Variants in RPL22L1 observed in about 807,000 individuals in gnomAD.
RPL22L1 encodes the protein ribosomal protein eL22-like.
A neutral mutation model predicts 17.3 loss-of-function variants in RPL22L1; 19 were observed. The ratio of observed to expected loss-of-function variants is 1.10; its 90% CI spans 0.77 to 1.61. RPL22L1 has a LOEUF of 1.61. Ranked by LOEUF, RPL22L1 falls within the 40% of genes most tolerant of loss-of-function variation. The pLI, the probability that RPL22L1 is intolerant of heterozygous loss-of-function variation, is 0.00. For missense variants in RPL22L1, 139 were observed against 144.4 expected (o/e 0.96, Z 0.19); for synonymous variants, 48 against 48.5 (o/e 0.99, Z 0.05).
Position 170,865,736 on chromosome 3 carries a change from G to C in RPL22L1, c.*644C>G, listed in dbSNP as rs1300754029. 1 of 152,194 alleles carries C rather than the reference G, an allele frequency of 6.6e-6. No individual in the cohort carries two copies. The highest frequency in any genetic ancestry group is 1.5e-5 in the Non-Finnish European group (1 of 68,052). 9.4% of individuals were successfully genotyped at this position (152,194 alleles called of 1,614,324 possible). On this transcript the variant is annotated 3_prime_UTR_variant, in exon 4 of 4. Transcript: ENST00000295830. ...GGGCTAACTATAAGAGCAAACTACAGAGCAACTTATATGTAAGAACTGTTC... is the reference window on the plus strand; with the variant it reads ...GGGCTAACTATAAGAGCAAACTACACAGCAACTTATATGTAAGAACTGTTC...
At chr3:170,868,445 A>G in intron 1 of RPL22L1, 55 bp from the exon 2 acceptor site, 1 of 1,109,338 alleles carries the variant, frequency 9.0e-7, no homozygotes, top group South Asian at 1.3e-5. Context: ...TTCAATTTAT[A>G]TAAACAATTT....
In RPL22L1 at chr3:170,865,224, C is replaced by A. The variant is rs1403260981; in HGVS notation, c.*1156G>T. On this transcript the variant is annotated 3_prime_UTR_variant, in exon 4 of 4. Coordinates refer to ENST00000295830, the MANE Select transcript of RPL22L1 (RefSeq NM_001099645.2). ...CATTGAATTAAACAATAATTTCAAG[C>A]AATTCCCAAACCAATTAATGCATAG... 6.6e-6 allele frequency: 1 copy of A among 152,212 alleles called. No homozygotes were observed. Among genetic ancestry groups the A allele is most frequent in the Non-Finnish European group, 1.5e-5 (1 of 68,050 alleles). 9.4% of individuals were successfully genotyped at this position (152,212 alleles called of 1,614,324 possible). A position where few individuals can be genotyped will look rare whatever the true frequency, so the allele number is the denominator to read the frequency against.
In RPL22L1 at chr3:170,866,133, T is replaced by C; in HGVS notation, c.*247A>G. ...TTTCCTATATAACGCTACTTTTACC[T>C]GAGTACATAAAAGATTTTGGAAATC... is the stretch of plus-strand genomic sequence containing the variant. On this transcript the variant is annotated 3_prime_UTR_variant, in exon 4 of 4. Coordinates refer to ENST00000295830, the MANE Select transcript of RPL22L1 (RefSeq NM_001099645.2). 2 of 301,200 alleles carry C rather than the reference T, an allele frequency of 6.6e-6. No individual in the cohort carries two copies. The highest frequency in any genetic ancestry group is 1.2e-5 in the Non-Finnish European group (2 of 164,428). 18.7% of individuals were successfully genotyped at this position (301,200 alleles called of 1,614,324 possible).
chr3:170,869,402 G>C (rs1711900804), intron 1 of RPL22L1, among the ~76,000 whole-genome samples: 1 of 152,178 alleles, frequency 6.6e-6, no homozygotes, highest in South Asian at 2.1e-4. Flanking sequence ...AAGTTAATTT[G>C]GGAGACACAA....
rs200784037 is a variant in RPL22L1 at position 170,870,160 on chromosome 3, G to A, written c.8C>T (p.Pro3Leu). 161 of 1,613,788 alleles carry A rather than the reference G, an allele frequency of 1.0e-4. No homozygotes were observed. Among genetic ancestry groups the A allele is most frequent in the Admixed American group, 9.0e-4 (54 of 60,012 alleles). The change falls in exon 1 of 4, where the codon CCG (proline) becomes CTG (leucine). Residue 3 changes from proline to leucine, a missense_variant and splice_region_variant. Transcript: ENST00000295830. Reference protein sequence around the residue: MAPQKDRKPKRST... With the variant: MALQKDRKPKRST... ...CCCACCAAGACATCGCTCACTCACC[G>A]GCGCCATCTTGCGAGTCGGCCGCGA...
rs1232428580 is a variant in RPL22L1, at chr3:170,866,482, A to T, written c.267T>A (p.Asn89Lys). ...CAACCACTCGAAGCCAATCACGAAG[A>T]TTGTTCTTCTTAAGGTATTTCTTGG... ...YLTKKYLKKN[N>K]LRDWLRVVAS... The change falls in exon 4 of 4, where the codon AAT (asparagine) becomes AAA (lysine). Residue 89 changes from asparagine (N) to lysine (K), a missense_variant. By Grantham distance (94) the Asn-to-Lys change is moderately conservative. Transcript: ENST00000295830. 1 of 1,574,906 alleles carries T rather than the reference A, an allele frequency of 6.3e-7. No individual in the cohort carries two copies. The highest frequency in any genetic ancestry group is 1.3e-5 in the African/African-American group (1 of 74,088).
intron 1 of RPL22L1, among the ~76,000 whole-genome samples, chr3:170,869,691 T>C (rs907256304): frequency 6.6e-6 from 1 of 151,982 alleles, no homozygotes; most frequent in Non-Finnish European, 1.5e-5. Flanking sequence ...CTTCCCCAAC[T>C]GAAAGTTCTC....
At chr3:170,868,803 TAAA>T (rs550401844) in intron 1 of RPL22L1, among the ~76,000 whole-genome samples, 4 of 117,780 alleles carry the variant, frequency 3.4e-5, no homozygotes, top group Admixed American at 8.8e-5. Context: ...GGGACTTTGG[TAAA>T]AAAAAAAAAA....
chr3:170,869,155 A>G (rs1711891351), intron 1 of RPL22L1, among the ~76,000 whole-genome samples: 1 of 152,116 alleles, frequency 6.6e-6, no homozygotes, highest in Admixed American at 6.6e-5. Context: ...GTGGAACTTA[A>G]ATTTTCCATA....
chr3:170,868,645 T>A (rs1344756009), intron 1 of RPL22L1, among the ~76,000 whole-genome samples: 3 of 151,878 alleles, frequency 2.0e-5, no homozygotes, highest in Non-Finnish European at 4.4e-5. Context: ...ATGATCAATT[T>A]TAAATTATCG....
At chr3:170,867,282 T>C (rs1177903679) in intron 3 of RPL22L1, among the ~76,000 whole-genome samples, 3 of 152,196 alleles carry the variant, frequency 2.0e-5, no homozygotes, top group African/African-American at 7.2e-5. Flanking sequence ...ATCTCATGCA[T>C]TCCTCCCAGA....
intron 1 of RPL22L1, 142 bp from the exon 2 acceptor site, chr3:170,868,532 C>A: frequency 1.8e-6 from 1 of 561,098 alleles, no homozygotes; most frequent in Non-Finnish European, 3.1e-6. Context: ...AATAAAAAAA[C>A]ACCACCACTA....
chr3:170,867,301 C>T (rs1711808427), intron 3 of RPL22L1, among the ~76,000 whole-genome samples: 2 of 152,192 alleles, frequency 1.3e-5, no homozygotes, highest in Non-Finnish European at 2.9e-5. Context: ...GAACACTATA[C>T]CCCAGACACA....
Position 170,868,390 on chromosome 3 carries a change from G to A in RPL22L1, c.10C>T (p.Gln4Ter). 6.3e-7 allele frequency: 1 copy of A among 1,574,810 alleles called. No homozygotes were observed. Among genetic ancestry groups the A allele is most frequent in the Non-Finnish European group, 8.7e-7 (1 of 1,148,748 alleles). MAP[Q>*]KDRKPKRSTW... ...GACCTCTTGGGCTTCCTGTCTTTCT[G>A]CTACATAAATGAGAAATAATTATGT... Residue 4 changes from glutamine to a stop codon, truncating the protein, a stop_gained and splice_region_variant, in exon 2 of 4, where the codon CAG becomes TAG. Coordinates refer to ENST00000295830, the MANE Select transcript of RPL22L1 (RefSeq NM_001099645.2). LOFTEE classifies it high-confidence loss of function.
In RPL22L1 at chr3:170,866,648, C is replaced by A. The variant is rs1711781382; in HGVS notation, c.225-124G>T. ...GTACCTAGCTTCCTCCAAAATATTT[C>A]ATCCTTCCATTCACAGGATGTATTG... On this transcript the variant is annotated intron_variant, in intron 3 of 3. Coordinates refer to ENST00000295830, the MANE Select transcript of RPL22L1 (RefSeq NM_001099645.2). 6.0e-6 allele frequency: 4 copies of A among 661,436 alleles called. No individual in the cohort carries two copies. In the South Asian group the frequency reaches 8.4e-5, roughly 14 times the overall value. 41.0% of individuals were successfully genotyped at this position (661,436 alleles called of 1,614,324 possible).
At chr3:170,868,964 T>C (rs1711882438) in intron 1 of RPL22L1, among the ~76,000 whole-genome samples, 1 of 151,578 alleles carries the variant, frequency 6.6e-6, no homozygotes. Flanking sequence ...CTAGTAAAAA[T>C]ACAAAAATTA....
In RPL22L1 at chr3:170,870,191, G is replaced by C. The variant is rs766708802; in HGVS notation, c.-24C>G. On this transcript the variant is annotated 5_prime_UTR_variant, in exon 1 of 4. Coordinates refer to ENST00000295830, the MANE Select transcript of RPL22L1 (RefSeq NM_001099645.2). ...ATCTTGCGAGTCGGCCGCGAGAGCA[G>C]AGAGGAAGCTACGGCCGCGCGGTCT... 2 of 1,613,824 alleles carry C rather than the reference G, an allele frequency of 1.2e-6. No individual in the cohort carries two copies. Among genetic ancestry groups the C allele is most frequent in the South Asian group, 1.1e-5 (1 of 91,066 alleles).
chr3:170,866,359 C>A lies in RPL22L1; in HGVS notation c.*21G>T. 6.3e-7 allele frequency: 1 copy of A among 1,575,918 alleles called. No individual in the cohort carries two copies. Among genetic ancestry groups the A allele is most frequent in the Non-Finnish European group, 8.6e-7 (1 of 1,159,182 alleles). Reference sequence around the variant, plus strand: ...TCATTTATTTTATTAATAAGCAAAGCCCTGTAAGGGGAGCCTTTGCCTAGT... The same window carrying A: ...TCATTTATTTTATTAATAAGCAAAGACCTGTAAGGGGAGCCTTTGCCTAGT... On this transcript the variant is annotated 3_prime_UTR_variant, in exon 4 of 4. Coordinates refer to ENST00000295830, the MANE Select transcript of RPL22L1 (RefSeq NM_001099645.2).
chr3:170,870,010 C>T, intron 1 of RPL22L1, 149 bp downstream of exon 1: 1 of 1,158,706 alleles, frequency 8.6e-7, no homozygotes, highest in East Asian at 2.5e-5. Context: ...TCAGGATCCT[C>T]GCGTCTTGGT....
Sources: allele counts gnomAD v4.1 joint callset (sites outside exome capture counted in the v4.1 genomes callset), GRCh38; gene constraint gnomAD v4.1.1; transcripts MANE v1.5; gene names NCBI Gene and HGNC (gene_info 2026-07-23, HGNC 2026-07-21).